Variants in FAM13C observed in about 807,000 individuals in gnomAD.
FAM13C encodes family with sequence similarity 13 member C.
A neutral mutation model predicts 73.2 loss-of-function variants in FAM13C; 37 were observed. That is an observed-to-expected ratio of 0.51 (90% CI 0.39 to 0.67). The LOEUF is 0.67. Ranked by LOEUF, FAM13C falls within the 30% of genes least tolerant of loss-of-function variation. The pLI is 0.00. For missense variants in FAM13C, 589 were observed against 715.6 expected, an observed-to-expected ratio of 0.82 and a Z score of 2.02; for synonymous variants, 246 against 260.9, an observed-to-expected ratio of 0.94 and a Z score of 0.55.
At chr10:59,321,337 A>G (rs1850224286) in intron 4 of FAM13C, among the ~76,000 whole-genome samples, 1 of 151,432 alleles carries the variant, frequency 6.6e-6, no homozygotes, top group African/African-American at 2.4e-5. Flanking sequence ...ACCATAAGCC[A>G]TGGAATGTGG....
At chr10:59,358,938 C>A (rs1589744050) in intron 1 of FAM13C, among the ~76,000 whole-genome samples, 1 of 152,188 alleles carries the variant, frequency 6.6e-6, no homozygotes, top group East Asian at 1.9e-4. Context: ...ATGTTTACAA[C>A]CTCTTTTAGT....
At chr10:59,277,419 G>T (rs1844442669) in intron 6 of FAM13C, among the ~76,000 whole-genome samples, 1 of 152,056 alleles carries the variant, frequency 6.6e-6, no homozygotes, top group African/African-American at 2.4e-5. Flanking sequence ...AGAAATAATA[G>T]AGATCCCTTG....
At chr10:59,250,754 T>C (rs1414080376) in intron 13 of FAM13C, among the ~76,000 whole-genome samples, 1 of 152,216 alleles carries the variant, frequency 6.6e-6, no homozygotes, top group Non-Finnish European at 1.5e-5. Flanking sequence ...TTTAATCTCA[T>C]TTCATCTACT....
At position 59,247,424 on chromosome 10, in the gene FAM13C, T is replaced by A. The variant is rs1168828564; in HGVS notation, c.*190A>T. 1.1e-5 allele frequency: 7 copies of A among 631,944 alleles called. No individual in the cohort carries two copies. The highest frequency in any genetic ancestry group is 1.9e-5 in the Non-Finnish European group (7 of 377,252). 39.1% of individuals were successfully genotyped at this position (631,944 alleles called of 1,614,324 possible). ...TTCCCAATTATATGGCTACCTGTTG[T>A]ATTCTTCCCCCCGTTTAAATCCCTT... is the stretch of plus-strand genomic sequence containing the variant. On this transcript the variant is annotated 3_prime_UTR_variant, in exon 14 of 14. Transcript: ENST00000618804.
At chr10:59,288,099 AG>A (rs1366825716) in intron 5 of FAM13C, among the ~76,000 whole-genome samples, 2 of 152,218 alleles carry the variant, frequency 1.3e-5, no homozygotes, top group Non-Finnish European at 2.9e-5. Flanking sequence ...CAACACAAAT[AG>A]GTTTCAAAGA....
intron 4 of FAM13C, among the ~76,000 whole-genome samples, chr10:59,311,356 G>C (rs1848897705): frequency 6.6e-6 from 1 of 152,194 alleles, no homozygotes; most frequent in Non-Finnish European, 1.5e-5. Flanking sequence ...GGATCCAGCA[G>C]GTGAATGAGT....
intron 1 of FAM13C, among the ~76,000 whole-genome samples, chr10:59,359,438 G>C (rs1379063315): frequency 6.6e-6 from 1 of 152,228 alleles, no homozygotes; most frequent in Non-Finnish European, 1.5e-5. Flanking sequence ...CTGACTGTTA[G>C]ATAAAATGTA....
chr10:59,293,326 T>G (rs1846510250), intron 5 of FAM13C, among the ~76,000 whole-genome samples: 1 of 152,214 alleles, frequency 6.6e-6, no homozygotes, highest in South Asian at 2.1e-4. Context: ...TCCACCCGCC[T>G]CGGCCTCCCA....
chr10:59,325,172 C>T (rs1001255421), intron 3 of FAM13C, among the ~76,000 whole-genome samples: 37 of 152,234 alleles, frequency 2.4e-4, no homozygotes, highest in African/African-American at 8.4e-4. Context: ...GGGTCTTCTG[C>T]TGCAATATAT....
intron 4 of FAM13C, among the ~76,000 whole-genome samples, chr10:59,322,962 T>C (rs1850523416): frequency 6.6e-6 from 1 of 152,200 alleles, no homozygotes; most frequent in Non-Finnish European, 1.5e-5. Context: ...TGCCCATGAA[T>C]CTGCCTGGAT....
chr10:59,275,584 G>C (rs755487699), intron 6 of FAM13C, among the ~76,000 whole-genome samples: 3 of 152,178 alleles, frequency 2.0e-5, no homozygotes, highest in Non-Finnish European at 2.9e-5. Context: ...CTCTCTGTAT[G>C]TTCAGTTTTT....
chr10:59,324,735 G>GAT (rs986972981), intron 3 of FAM13C, among the ~76,000 whole-genome samples: 6 of 151,972 alleles, frequency 3.9e-5, no homozygotes, highest in Non-Finnish European at 5.9e-5. Flanking sequence ...AAGAGTCCTT[G>GAT]ATATCTCTCC....
intron 6 of FAM13C, chr10:59,282,058 A>T (rs1285243898): frequency 1.3e-5 from 2 of 152,236 alleles, no homozygotes; most frequent in Non-Finnish European, 2.9e-5. Context: ...TTTGCCACTC[A>T]TCCAAACATA....
chr10:59,262,664 G>T lies in FAM13C; in HGVS notation c.1025-19C>A, dbSNP rs371741777. 93 of 1,600,264 alleles carry T rather than the reference G, an allele frequency of 5.8e-5. 1 individual carries two copies. The African/African-American group carries it at 9.9e-4, about 17-fold the overall frequency. On this transcript the variant is annotated intron_variant, in intron 9 of 13. Transcript: ENST00000618804. ...TTTAGTTCTAAGAGAAATGCTATGA[G>T]TTATCATAAGCAAAGAGAACCCACT...
intron 3 of FAM13C, among the ~76,000 whole-genome samples, chr10:59,331,056 G>T (rs1851901311): frequency 6.6e-6 from 1 of 152,042 alleles, no homozygotes; most frequent in African/African-American, 2.4e-5. Flanking sequence ...CAAATATTTG[G>T]TCCCTATCAG....
At chr10:59,352,742 C>A (rs1855229875) in intron 2 of FAM13C, among the ~76,000 whole-genome samples, 1 of 152,126 alleles carries the variant, frequency 6.6e-6, no homozygotes, top group African/African-American at 2.4e-5. Flanking sequence ...TATTATTTTT[C>A]TAATTTTCAC....
intron 10 of FAM13C, among the ~76,000 whole-genome samples, chr10:59,255,667 C>T (rs1019560130): frequency 1.3e-4 from 20 of 152,222 alleles, no homozygotes; most frequent in African/African-American, 4.8e-4. Context: ...ATGCCAGATA[C>T]ATCTGCCATC....
intron 4 of FAM13C, among the ~76,000 whole-genome samples, chr10:59,303,463 A>G (rs1847838864): frequency 6.6e-6 from 1 of 152,222 alleles, no homozygotes; most frequent in East Asian, 1.9e-4. Flanking sequence ...TAAAAATTCA[A>G]TAATTGTTTT....
At chr10:59,286,586 TG>T (rs1370628818) in intron 5 of FAM13C, among the ~76,000 whole-genome samples, 3 of 146,604 alleles carry the variant, frequency 2.0e-5, no homozygotes, top group Non-Finnish European at 1.5e-5. Context: ...GAGCTGGTGC[TG>T]GGGGGTGGGA....
Sources: gnomAD v4.1 joint callset for allele counts (sites outside exome capture counted in the v4.1 genomes callset) on GRCh38, gnomAD v4.1.1 for gene constraint, MANE v1.5 for transcripts, NCBI Gene and HGNC (gene_info 2026-07-23, HGNC 2026-07-21) for gene names.